SCARB2: variants seen among roughly 807,000 people sequenced by gnomAD.
The protein encoded by SCARB2 is scavenger receptor class B member 2.
SCARB2 carries 29 observed loss-of-function variants against 58.6 expected under a neutral mutation model. The ratio of observed to expected loss-of-function variants is 0.49; its 90% CI spans 0.37 to 0.67. The LOEUF (loss-of-function observed/expected upper bound fraction) is 0.67. SCARB2 is among the 30% of genes least tolerant of loss of function. The pLI is 0.00. For synonymous variants in SCARB2, 195 were observed against 210.1 expected (o/e 0.93, Z 0.62); for missense variants, 488 against 578.5 (o/e 0.84, Z 1.60).
chr4:76,190,436 T>C (rs966565832), intron 2 of SCARB2, among the ~76,000 whole-genome samples: 10 of 152,172 alleles, frequency 6.6e-5, no homozygotes, highest in African/African-American at 2.4e-4. Flanking sequence ...AATTCATTCT[T>C]GACTGAAGCA....
intron 7 of SCARB2, among the ~76,000 whole-genome samples, chr4:76,171,711 GA>G (rs1195013368): frequency 6.6e-6 from 1 of 152,100 alleles, no homozygotes; most frequent in African/African-American, 2.4e-5. Flanking sequence ...CACACCAGAT[GA>G]GGGGGCAGGG....
rs923442061 is a variant in SCARB2, at chr4:76,159,801, A to G, written c.*1912T>C. 6.6e-6 allele frequency: 1 copy of G among 152,236 alleles called. No homozygotes were observed. The highest frequency in any genetic ancestry group is 2.4e-5 in the African/African-American group (1 of 41,462). The allele number at this position is 152,236 out of a possible 1,614,324, so 9.4% of individuals were successfully genotyped here. A position where few individuals can be genotyped will look rare whatever the true frequency, so the allele number is the denominator to read the frequency against. On this transcript the variant is annotated 3_prime_UTR_variant, in exon 12 of 12. Coordinates refer to ENST00000264896, the MANE Select transcript of SCARB2 (RefSeq NM_005506.4). ...TGTGCAACTCAGTCTAAATGTGTAT[A>G]TCATTAACTGTTATCATTTACAGTA...
intron 1 of SCARB2, among the ~76,000 whole-genome samples, chr4:76,228,255 A>T (rs960041359): frequency 6.6e-6 from 1 of 152,068 alleles, no homozygotes; most frequent in Non-Finnish European, 1.5e-5. Flanking sequence ...AGGGGGGTGC[A>T]GATCATTTGA....
At chr4:76,161,847 G>A (rs1731905978) in intron 11 of SCARB2, 96 bp from the exon 12 acceptor site, 2 of 1,156,198 alleles carry the variant, frequency 1.7e-6, no homozygotes, top group Admixed American at 3.6e-5. Flanking sequence ...CATGGAAGGA[G>A]GAGAGACCTA....
intron 9 of SCARB2, chr4:76,167,003 T>C (rs894961571): frequency 5.9e-5 from 9 of 152,632 alleles, no homozygotes; most frequent in African/African-American, 2.2e-4. Context: ...CCAAGTTTTA[T>C]AGATAAATAT....
At chr4:76,166,097 G>A (rs1334206378) in intron 10 of SCARB2, 153 bp downstream of exon 10, 8 of 804,848 alleles carry the variant, frequency 9.9e-6, no homozygotes, top group Admixed American at 3.5e-5. Flanking sequence ...GCAGATTCAT[G>A]TGAACATTTA....
chr4:76,171,999 T>C (rs1257245892), intron 7 of SCARB2, among the ~76,000 whole-genome samples: 1 of 149,366 alleles, frequency 6.7e-6, no homozygotes, highest in African/African-American at 2.5e-5. Context: ...CGTGTGTGTG[T>C]ATACCTATAT....
chr4:76,211,678 C>T (rs1733050238), intron 1 of SCARB2, among the ~76,000 whole-genome samples: 1 of 152,144 alleles, frequency 6.6e-6, no homozygotes, highest in Non-Finnish European at 1.5e-5. Flanking sequence ...AGTGTAACAT[C>T]CTCAATCTTT....
intron 9 of SCARB2, among the ~76,000 whole-genome samples, chr4:76,167,476 T>C (rs536737653): frequency 6.6e-6 from 1 of 152,234 alleles, no homozygotes; most frequent in African/African-American, 2.4e-5. Context: ...CTCTCTCTCT[T>C]GCTCCTGCTC....
intron 4 of SCARB2, chr4:76,176,987 T>G (rs191161868): frequency 1.3e-5 from 2 of 153,092 alleles, no homozygotes; most frequent in African/African-American, 2.4e-5. Context: ...CATCTCTACA[T>G]ATACACCCTC....
At chr4:76,177,672 A>G (rs1275710358) in intron 4 of SCARB2, among the ~76,000 whole-genome samples, 1 of 152,242 alleles carries the variant, frequency 6.6e-6, no homozygotes, top group Admixed American at 6.5e-5. Context: ...GTATATCTAC[A>G]CAACGGAATA....
rs150460926 is a variant in SCARB2 at position 76,168,975 on chromosome 4, C to A, written c.1114-499G>T. ...GCTGCAGCACTTGTCATCCTTAGGG[C>A]AGCTCCATCTTTGCACTAAGGTTAT... On this transcript the variant is annotated intron_variant, in intron 8 of 11. Transcript: ENST00000264896. Among the ~76,000 whole-genome samples the A allele has an allele frequency of 2.2e-4, 34 of 152,328 alleles. No individual in the cohort carries two copies. In the East Asian group the frequency reaches 6.2e-3, roughly 28 times the overall value.
intron 1 of SCARB2, among the ~76,000 whole-genome samples, chr4:76,208,429 T>C (rs1016685158): frequency 6.6e-6 from 1 of 152,370 alleles, no homozygotes; most frequent in Non-Finnish European, 1.5e-5. Context: ...AGTTTCTTCC[T>C]GTGCTGAGCC....
chr4:76,171,719 A>T (rs960072755), intron 7 of SCARB2, among the ~76,000 whole-genome samples: 9 of 151,988 alleles, frequency 5.9e-5, no homozygotes, highest in African/African-American at 2.2e-4. Context: ...ATGAGGGGGC[A>T]GGGACACTGT....
At chr4:76,166,936 TTAGAAAGAGCCATG>T in intron 9 of SCARB2, 1 of 153,014 alleles carries the variant, frequency 6.5e-6, no homozygotes, top group Non-Finnish European at 1.5e-5. Flanking sequence ...CACCTACTTC[TTAGAAAGAGCCATG>T]ACACCTGGTA....
chr4:76,224,190 T>C (rs562416608), intron 1 of SCARB2, among the ~76,000 whole-genome samples: 3 of 152,304 alleles, frequency 2.0e-5, no homozygotes, highest in Non-Finnish European at 2.9e-5. Flanking sequence ...TACATACATG[T>C]TTTCAGGTAG....
At chr4:76,169,630 TTG>T (rs1485104556) in intron 8 of SCARB2, among the ~76,000 whole-genome samples, 1 of 152,250 alleles carries the variant, frequency 6.6e-6, no homozygotes, top group Non-Finnish European at 1.5e-5. Flanking sequence ...GTTTTCACTG[TTG>T]CTTTTTGTTA....
intron 1 of SCARB2, among the ~76,000 whole-genome samples, chr4:76,198,592 T>C (rs1732761031): frequency 6.6e-6 from 1 of 152,094 alleles, no homozygotes; most frequent in Non-Finnish European, 1.5e-5. Flanking sequence ...CAGACCATGT[T>C]ACAGCTGGGG....
At chr4:76,204,260 C>T (rs1732886231) in intron 1 of SCARB2, among the ~76,000 whole-genome samples, 1 of 152,316 alleles carries the variant, frequency 6.6e-6, no homozygotes, top group African/African-American at 2.4e-5. Flanking sequence ...AAGAAAGAAA[C>T]TGCCATTAAC....
Sources: allele counts gnomAD v4.1 joint callset (sites outside exome capture counted in the v4.1 genomes callset), GRCh38; gene constraint gnomAD v4.1.1; transcripts MANE v1.5; gene names NCBI Gene and HGNC (gene_info 2026-07-23, HGNC 2026-07-21).